The following CNTN4 variants were observed in gnomAD, a reference collection of about 807,000 sequenced individuals.
The protein encoded by CNTN4 is contactin 4.
In CNTN4, 77 loss-of-function variants were observed where a neutral mutation model predicts 122.5. That is an observed-to-expected ratio of 0.63 (90% CI 0.52 to 0.76). The LOEUF (loss-of-function observed/expected upper bound fraction) is 0.76. Among genes scored for constraint, CNTN4 ranks in the 30% least tolerant of loss-of-function variants. The pLI is 0.00. For synonymous variants in CNTN4, 512 were observed against 447.0 expected (o/e 1.15, Z -1.83); for missense variants, 1,256 against 1,259.1 (o/e 1.00, Z 0.04).
intron 2 of CNTN4, among the ~76,000 whole-genome samples, chr3:2,122,112 G>A (rs556480612): frequency 5.3e-5 from 8 of 149,580 alleles, no homozygotes; most frequent in Admixed American, 1.3e-4. Context: ...CTGAGATTGC[G>A]CCACTGCACT....
chr3:2,928,045 T>C (rs2151391886), intron 13 of CNTN4, among the ~76,000 whole-genome samples: 1 of 152,244 alleles, frequency 6.6e-6, no homozygotes, highest in Middle Eastern at 3.4e-3. Flanking sequence ...GGGACTTCAG[T>C]GTTTGCCCCA....
At chr3:2,397,350 T>A (rs1215358176) in intron 3 of CNTN4, among the ~76,000 whole-genome samples, 1 of 152,226 alleles carries the variant, frequency 6.6e-6, no homozygotes, top group Non-Finnish European at 1.5e-5. Context: ...GCTTTAATAC[T>A]TGATGATGCC....
At chr3:2,417,029 A>G (rs941249027) in intron 3 of CNTN4, among the ~76,000 whole-genome samples, 12 of 152,218 alleles carry the variant, frequency 7.9e-5, no homozygotes, top group African/African-American at 1.7e-4. Context: ...TAACCTTCTC[A>G]GTGGAGAGCT....
chr3:2,961,294 C>G (rs1332785587), intron 13 of CNTN4, among the ~76,000 whole-genome samples: 3 of 149,810 alleles, frequency 2.0e-5, no homozygotes, highest in Non-Finnish European at 3.0e-5. Flanking sequence ...GGCCTAGTCC[C>G]CCTCATCACC....
chr3:2,244,516 A>C (rs2040067843), intron 2 of CNTN4, among the ~76,000 whole-genome samples: 1 of 152,116 alleles, frequency 6.6e-6, no homozygotes, highest in South Asian at 2.1e-4. Context: ...AAGGAATATG[A>C]ACTATTTCAC....
rs544302757 is a variant in CNTN4 at position 2,802,757 on chromosome 3, AT to A, written c.359-16727del. ...AACATAACTACAGCCAGTAATGTAA[AT>A]TGACTGTAGACACCCGGCAGTATGG... On this transcript the variant is annotated intron_variant, in intron 6 of 24. Coordinates refer to ENST00000418658, the MANE Select transcript of CNTN4 (RefSeq NM_175607.3). Among the ~76,000 whole-genome samples the A allele has an allele frequency of 2.5e-4, 38 of 152,270 alleles. No individual in the cohort carries two copies. In the East Asian group the frequency reaches 7.3e-3, roughly 29 times the overall value.
chr3:3,000,345 C>T (rs1695916478), intron 14 of CNTN4, among the ~76,000 whole-genome samples: 1 of 143,548 alleles, frequency 7.0e-6, no homozygotes, highest in Non-Finnish European at 1.5e-5. Flanking sequence ...ATAGGAACAG[C>T]TGTAGAAACT....
intron 4 of CNTN4, among the ~76,000 whole-genome samples, chr3:2,720,434 G>C (rs1054087878): frequency 8.1e-4 from 124 of 152,258 alleles, no homozygotes; most frequent in African/African-American, 3.0e-3. Flanking sequence ...GAAGATTAAA[G>C]GTAGGTTTTC....
chr3:2,200,856 A>G (rs1170966955), intron 2 of CNTN4, among the ~76,000 whole-genome samples: 1 of 152,220 alleles, frequency 6.6e-6, no homozygotes, highest in African/African-American at 2.4e-5. Context: ...GAAGCAGAGA[A>G]GAATTGAAAA....
chr3:2,624,885 G>A lies in CNTN4; in HGVS notation c.55+53327G>A, dbSNP rs141766546. On this transcript the variant is annotated intron_variant, in intron 4 of 24. Transcript: ENST00000418658. Reference sequence around the variant, plus strand: ...CTGGCCTCAATGATCCACCCACCTCGGCCTCCTAGAGTGCTGGGATTACAG... The same window carrying A: ...CTGGCCTCAATGATCCACCCACCTCAGCCTCCTAGAGTGCTGGGATTACAG... Among the ~76,000 whole-genome samples, 457 of 151,782 alleles carry A rather than the reference G, an allele frequency of 3.0e-3. 4 individuals are homozygous for A. Among genetic ancestry groups the A allele is most frequent in the African/African-American group, 0.011 (438 of 41,398 alleles).
intron 4 of CNTN4, among the ~76,000 whole-genome samples, chr3:2,611,303 AAAAAAAAAAG>A (rs1293529465): frequency 6.7e-6 from 1 of 148,388 alleles, no homozygotes; most frequent in Non-Finnish European, 1.5e-5. Context: ...GAACCAAAAA[AAAAAAAAAAG>A]AAAGAAAGAA....
intron 3 of CNTN4, among the ~76,000 whole-genome samples, chr3:2,347,853 C>T (rs1559474323): frequency 6.6e-6 from 1 of 151,350 alleles, no homozygotes; most frequent in Non-Finnish European, 1.5e-5. Context: ...TTTGGTTTAT[C>T]TTTTTTTTAA....
intron 4 of CNTN4, among the ~76,000 whole-genome samples, chr3:2,573,447 G>T (rs964951180): frequency 9.9e-5 from 15 of 152,012 alleles, no homozygotes; most frequent in African/African-American, 3.4e-4. Context: ...TTTTCTCTGG[G>T]ACCTTGACCC....
At chr3:2,293,803 C>CT (rs1181232653) in intron 2 of CNTN4, among the ~76,000 whole-genome samples, 1 of 151,412 alleles carries the variant, frequency 6.6e-6, no homozygotes, top group East Asian at 1.9e-4. Context: ...AAAGTTGAAA[C>CT]TTTTTTTTTA....
chr3:2,205,123 A>G (rs1442668432), intron 2 of CNTN4, among the ~76,000 whole-genome samples: 3 of 151,658 alleles, frequency 2.0e-5, no homozygotes, highest in Non-Finnish European at 4.4e-5. Flanking sequence ...AGATTTTTGT[A>G]TTGCTTTTTA....
At chr3:2,365,681 G>C (rs147790005) in intron 3 of CNTN4, among the ~76,000 whole-genome samples, 2 of 152,226 alleles carry the variant, frequency 1.3e-5, no homozygotes, top group Non-Finnish European at 2.9e-5. Context: ...TGCCTCTTTT[G>C]TGTGAATATC....
chr3:2,502,307 G>T (rs2076617105), intron 3 of CNTN4, among the ~76,000 whole-genome samples: 1 of 152,130 alleles, frequency 6.6e-6, no homozygotes, highest in African/African-American at 2.4e-5. Flanking sequence ...GTCTCATGGT[G>T]CATTCCTCTA....
intron 3 of CNTN4, among the ~76,000 whole-genome samples, chr3:2,521,343 T>TCGGCCCCCC (rs781282977): frequency 1.9e-4 from 24 of 128,366 alleles, no homozygotes; most frequent in Admixed American, 5.7e-4. Context: ...CCTCTACCCA[T>TCGGCCCCCC]CCCCCCCACC....
chr3:2,120,467 G>C (rs1344353576), intron 2 of CNTN4, among the ~76,000 whole-genome samples: 1 of 142,916 alleles, frequency 7.0e-6, no homozygotes, highest in East Asian at 2.1e-4. Flanking sequence ...GCAGTGGCAT[G>C]GTCTCCACGG....
Sources: allele counts gnomAD v4.1 joint callset (sites outside exome capture counted in the v4.1 genomes callset), GRCh38; gene constraint gnomAD v4.1.1; transcripts MANE v1.5; gene names NCBI Gene and HGNC (gene_info 2026-07-23, HGNC 2026-07-21).